The following ODAD2 variants were observed in gnomAD, a reference collection of about 807,000 sequenced individuals.
ODAD2 encodes outer dynein arm-docking complex subunit 2.
Under a neutral mutation model 106.8 loss-of-function variants are expected in ODAD2, and 89 were observed. The observed-to-expected ratio is 0.83, with a 90% CI of 0.70 to 0.99. ODAD2 has a LOEUF of 0.99. Among genes scored for constraint, ODAD2 ranks in the 50% least tolerant of loss-of-function variants. The pLI is 0.00. For synonymous variants in ODAD2, 404 were observed against 436.2 expected (o/e 0.93, Z 0.92); for missense variants, 1,168 against 1,238.5 (o/e 0.94, Z 0.85).
chr10:27,977,728 C>T (rs1564570148), intron 7 of ODAD2, among the ~76,000 whole-genome samples: 1 of 152,020 alleles, frequency 6.6e-6, no homozygotes, highest in East Asian at 1.9e-4. Flanking sequence ...AAAAAACAGA[C>T]AAAGAGTCCA....
At chr10:27,871,627 T>G (rs1296170764) in intron 17 of ODAD2, among the ~76,000 whole-genome samples, 3 of 152,170 alleles carry the variant, frequency 2.0e-5, no homozygotes, top group Non-Finnish European at 2.9e-5. Flanking sequence ...TTTCCCCATT[T>G]CCTATTTTTG....
chr10:27,971,167 A>C lies in ODAD2; in HGVS notation c.1083T>G (p.Asn361Lys). 6 of 1,613,902 alleles carry C rather than the reference A, an allele frequency of 3.7e-6. No homozygotes were observed. The highest frequency in any genetic ancestry group is 5.1e-6 in the Non-Finnish European group (6 of 1,179,910). Residue 361 changes from asparagine to lysine, a missense_variant, in exon 8 of 20, where the codon AAT becomes AAG. Asn to Lys is a moderately conservative substitution (Grantham distance 94). Around this residue, in one of 3 missense-constraint regions of ODAD2, gnomAD observed 430 missense variants for 452.2 expected, o/e 0.95. Coordinates refer to ENST00000305242, the MANE Select transcript of ODAD2 (RefSeq NM_018076.5). ...TTGGTTCCCATCTCTTGGTCATTTG[A>C]TTCCTCCAAAAATTAATTTGGTTCT... ...LEKNQINFWR[N>K]QMTKRWEPSL...
intron 17 of ODAD2, among the ~76,000 whole-genome samples, chr10:27,895,577 C>G (rs1842807192): frequency 6.6e-6 from 1 of 152,210 alleles, no homozygotes; most frequent in African/African-American, 2.4e-5. Flanking sequence ...ACATGAGCCA[C>G]CACACCTGAC....
intron 16 of ODAD2, among the ~76,000 whole-genome samples, chr10:27,928,049 C>T (rs953039846): frequency 1.3e-5 from 2 of 152,092 alleles, no homozygotes; most frequent in Admixed American, 1.3e-4. Context: ...CTCTACACAA[C>T]CATAACTGAA....
chr10:27,841,408 AT>A (rs948017086), intron 19 of ODAD2, among the ~76,000 whole-genome samples: 1 of 148,536 alleles, frequency 6.7e-6, no homozygotes, highest in Non-Finnish European at 1.5e-5. Context: ...TCTTATTTTT[AT>A]TTTTTTTTCG....
At chr10:27,935,312 T>C in intron 15 of ODAD2, 60 bp from the exon 16 acceptor site, 1 of 1,585,208 alleles carries the variant, frequency 6.3e-7, no homozygotes, top group African/African-American at 1.3e-5. Context: ...TAAAAATTAC[T>C]AAATGTTCAT....
At chr10:27,997,340 TATACAGAA>T (rs1187624022) in intron 1 of ODAD2, among the ~76,000 whole-genome samples, 3 of 152,230 alleles carry the variant, frequency 2.0e-5, no homozygotes, top group African/African-American at 7.2e-5. Flanking sequence ...AGCTTTATCT[TATACAGAA>T]AGGCTTAGGT....
At chr10:27,853,395 A>AAATAAATAAATAAAT (rs766142892) in intron 19 of ODAD2, 15 of 167,568 alleles carry the variant, frequency 9.0e-5, no homozygotes, top group African/African-American at 4.7e-4. Flanking sequence ...AATAAATAAA[A>AAATAAATAAATAAAT]GTAAGCCCTA....
chr10:27,956,433 T>A (rs780364348), intron 10 of ODAD2, among the ~76,000 whole-genome samples: 3 of 152,166 alleles, frequency 2.0e-5, no homozygotes, highest in Non-Finnish European at 4.4e-5. Context: ...TACTCAGGAA[T>A]AAGACCGCCT....
intron 19 of ODAD2, among the ~76,000 whole-genome samples, chr10:27,814,221 G>T (rs1427135172): frequency 6.6e-6 from 1 of 152,124 alleles, no homozygotes; most frequent in African/African-American, 2.4e-5. Flanking sequence ...CTCGCAGATT[G>T]AATCCCAGCT....
intron 16 of ODAD2, among the ~76,000 whole-genome samples, chr10:27,925,407 G>C (rs1473025487): frequency 6.6e-6 from 1 of 152,186 alleles, no homozygotes; most frequent in African/African-American, 2.4e-5. Flanking sequence ...ACCCAGGCTG[G>C]AGTACAGTGA....
At chr10:27,923,991 A>AG (rs1844995605) in intron 16 of ODAD2, among the ~76,000 whole-genome samples, 3 of 141,146 alleles carry the variant, frequency 2.1e-5, no homozygotes, top group African/African-American at 8.1e-5. Flanking sequence ...AGAAAGAAAG[A>AG]AAGAAAGAAA....
chr10:27,842,690 T>G (rs1374719994), intron 19 of ODAD2, among the ~76,000 whole-genome samples: 1 of 152,012 alleles, frequency 6.6e-6, no homozygotes, highest in Non-Finnish European at 1.5e-5. Flanking sequence ...AATCTTTAAA[T>G]TTAAATATGC....
chr10:27,971,470 G>A (rs184590820), intron 7 of ODAD2, among the ~76,000 whole-genome samples, 157 bp from the exon 8 acceptor site: 1 of 152,096 alleles, frequency 6.6e-6, no homozygotes, highest in Non-Finnish European at 1.5e-5. Flanking sequence ...CAAGACTAAG[G>A]CTTCTGTTGG....
At chr10:27,866,650 T>C (rs978831440) in intron 17 of ODAD2, among the ~76,000 whole-genome samples, 1 of 152,060 alleles carries the variant, frequency 6.6e-6, no homozygotes, top group Admixed American at 6.6e-5. Flanking sequence ...CTTCCACTCA[T>C]GGTAGAAGGT....
At chr10:27,925,894 C>T (rs1024535273) in intron 16 of ODAD2, among the ~76,000 whole-genome samples, 4 of 150,222 alleles carry the variant, frequency 2.7e-5, no homozygotes, top group African/African-American at 9.8e-5. Context: ...AAAGGAGTAA[C>T]ATTTGGGAGG....
At chr10:27,825,318 G>A (rs1344906851) in intron 19 of ODAD2, among the ~76,000 whole-genome samples, 1 of 152,164 alleles carries the variant, frequency 6.6e-6, no homozygotes, top group Non-Finnish European at 1.5e-5. Flanking sequence ...GACTTTAAAG[G>A]TGCAGCCTAG....
chr10:27,824,127 A>C (rs1286234710), intron 19 of ODAD2, among the ~76,000 whole-genome samples: 1 of 95,122 alleles, frequency 1.1e-5, no homozygotes, highest in African/African-American at 6.4e-5. Context: ...GGCGACAGCG[A>C]GACTCCGTCT....
chr10:27,936,997 G>A lies in ODAD2; in HGVS notation c.2098-117C>T, dbSNP rs563054764. 175 of 929,848 alleles carry A rather than the reference G, an allele frequency of 1.9e-4. No homozygotes were observed. In the African/African-American group the frequency reaches 2.3e-3, roughly 12 times the overall value. The allele number at this position is 929,848 out of a possible 1,614,324, so 57.6% of individuals were successfully genotyped here. The stretch of plus-strand genomic sequence containing the variant: ...ACTTCTTTCTAGAGAGATCATTTTC[G>A]AAAGATGCCTCCAAGTAAAATATAA... On this transcript the variant is annotated intron_variant, in intron 14 of 19. Transcript: ENST00000305242.
Sources: gnomAD v4.1 joint callset for allele counts (sites outside exome capture counted in the v4.1 genomes callset) on GRCh38, gnomAD v4.1.1 for gene constraint, gnomAD v4.1.1 regional missense constraint, MANE v1.5 for transcripts, NCBI Gene and HGNC (gene_info 2026-07-23, HGNC 2026-07-21) for gene names.